The following UGT2B28 variants were observed in gnomAD, a reference collection of about 807,000 sequenced individuals.
The protein encoded by UGT2B28 is UDP glucuronosyltransferase family 2 member B28.
In UGT2B28, 45 loss-of-function variants were observed where a neutral mutation model predicts 43.6. The observed-to-expected ratio is 1.03, with a 90% CI of 0.81 to 1.32. The LOEUF is 1.32. Among genes scored for constraint, UGT2B28 ranks in the 40% most tolerant of loss-of-function variants. UGT2B28 has a pLI of 0.00. For missense variants in UGT2B28, 649 were observed against 625.5 expected (o/e 1.04, Z -0.40); for synonymous variants, 204 against 208.1 (o/e 0.98, Z 0.17).
chr4:69,293,630 G>A lies in UGT2B28; in HGVS notation c.1311-900G>A, dbSNP rs1169180048. Among the ~76,000 whole-genome samples the A allele has an allele frequency of 5.7e-5, 8 of 139,386 alleles. 2 individuals are homozygous for A. Among genetic ancestry groups the A allele is most frequent in the African/African-American group, 2.2e-4 (8 of 35,556 alleles). 91.4% of individuals were successfully genotyped at this position (139,386 alleles called of 152,430 possible). A position where few individuals can be genotyped will look rare whatever the true frequency, so the allele number is the denominator to read the frequency against. ...GTTGCAGCAAGAAAGAGTACTCCAA[G>A]AGCAGGAGAGAAGGAACAAAATGTG... On this transcript the variant is annotated intron_variant, in intron 5 of 5. Coordinates refer to ENST00000335568, the MANE Select transcript of UGT2B28 (RefSeq NM_053039.2).
At chr4:69,289,955 A>G (rs1723900888) in intron 4 of UGT2B28, among the ~76,000 whole-genome samples, 1 of 140,810 alleles carries the variant, frequency 7.1e-6, no homozygotes, top group South Asian at 2.4e-4. Flanking sequence ...TTATGGTCAG[A>G]ATCAGAGATA....
chr4:69,288,122 T>C lies in UGT2B28; in HGVS notation c.1002+1239T>C, dbSNP rs577972271. Among the ~76,000 whole-genome samples the C allele has an allele frequency of 7.1e-5, 9 of 126,834 alleles. 2 individuals are homozygous for C. The highest frequency in any genetic ancestry group is 9.7e-5 in the Non-Finnish European group (6 of 61,722). The allele number at this position is 126,834 out of a possible 152,430, so 83.2% of individuals were successfully genotyped here. A position where few individuals can be genotyped will look rare whatever the true frequency, so the allele number is the denominator to read the frequency against. ...TATTCAACAGCTTTATTTTTATTCA[T>C]GATTCCAACAGGCTCCTCATTTCTA... On this transcript the variant is annotated intron_variant, in intron 3 of 5. Transcript: ENST00000335568.
chr4:69,285,489 C>T (rs1449171211), intron 2 of UGT2B28, among the ~76,000 whole-genome samples: 1 of 139,012 alleles, frequency 7.2e-6, no homozygotes, highest in African/African-American at 2.8e-5. Flanking sequence ...AAACGAGTCA[C>T]ATTAAATGTG....
At chr4:69,287,155 G>C (rs1273470870) in intron 3 of UGT2B28, among the ~76,000 whole-genome samples, 1 of 139,678 alleles carries the variant, frequency 7.2e-6, no homozygotes, top group Non-Finnish European at 1.5e-5. Context: ...TCCACAAAAG[G>C]GAACTTGAGA....
intron 2 of UGT2B28, among the ~76,000 whole-genome samples, chr4:69,282,908 T>C (rs1213023926): frequency 7.1e-6 from 1 of 139,946 alleles, no homozygotes; most frequent in Non-Finnish European, 1.5e-5. Context: ...AAAGTCTTGA[T>C]TATGCAACAC....
At chr4:69,281,781 A>G (rs1362810944) in intron 1 of UGT2B28, among the ~76,000 whole-genome samples, 3 of 140,490 alleles carry the variant, frequency 2.1e-5, no homozygotes, top group Non-Finnish European at 3.0e-5. Context: ...CTCCTTCACT[A>G]AAGAATTGGA....
chr4:69,286,971 A>T lies in UGT2B28; in HGVS notation c.1002+88A>T. The T allele has an allele frequency of 1.3e-5, 19 of 1,504,602 alleles. 4 individuals are homozygous for T. Among genetic ancestry groups the T allele is most frequent in the Non-Finnish European group, 1.7e-5 (19 of 1,130,236 alleles). 93.2% of individuals were successfully genotyped at this position (1,504,602 alleles called of 1,614,324 possible). ...TACACAGAAAGAATATTAAGGCTAG[A>T]CTGAACTCTTTACAGCCAAATACAG... On this transcript the variant is annotated intron_variant, in intron 3 of 5. Coordinates refer to ENST00000335568, the MANE Select transcript of UGT2B28 (RefSeq NM_053039.2).
Position 69,286,559 on chromosome 4 carries a change from A to G in UGT2B28, c.871-193A>G, listed in dbSNP as rs1258406922. 1.4e-5 allele frequency among the ~76,000 whole-genome samples: 2 copies of G among 140,288 alleles called. 1 individual carries two copies. Among genetic ancestry groups the G allele is most frequent in the Non-Finnish European group, 3.0e-5 (2 of 65,754 alleles). 92.0% of individuals were successfully genotyped at this position (140,288 alleles called of 152,430 possible). A position where few individuals can be genotyped will look rare whatever the true frequency, so the allele number is the denominator to read the frequency against. ...CATAAACACACATATTTACACAAAT[A>G]TCCTTAACAGAGGCCAACTACCTCA... On this transcript the variant is annotated intron_variant, in intron 2 of 5. Transcript: ENST00000335568.
In UGT2B28 at chr4:69,293,621, G is replaced by A. The variant is rs186000630; in HGVS notation, c.1311-909G>A. On this transcript the variant is annotated intron_variant, in intron 5 of 5. Coordinates refer to ENST00000335568, the MANE Select transcript of UGT2B28 (RefSeq NM_053039.2). ...ATGCCTTGGGTTGCAGCAAGAAAGA[G>A]TACTCCAAGAGCAGGAGAGAAGGAA... Among the ~76,000 whole-genome samples the A allele has an allele frequency of 5.0e-3, 703 of 139,564 alleles. 157 individuals are homozygous for A. The highest frequency in any genetic ancestry group is 0.018 in the African/African-American group (634 of 35,666). 91.6% of individuals were successfully genotyped at this position (139,564 alleles called of 152,430 possible).
rs571742008 is a variant in UGT2B28 at position 69,291,534 on chromosome 4, T to C, written c.1310+723T>C. On this transcript the variant is annotated intron_variant, in intron 5 of 5. Transcript: ENST00000335568. Reference sequence around the variant, plus strand: ...TAGCCTAATTTTTGTTCTTTTCTTATGGTTTTTGTTTTACTTCATATTGTT... The same window carrying C: ...TAGCCTAATTTTTGTTCTTTTCTTACGGTTTTTGTTTTACTTCATATTGTT... Among the ~76,000 whole-genome samples, 11 of 140,910 alleles carry C rather than the reference T, an allele frequency of 7.8e-5. 3 individuals carry two copies. The highest frequency in any genetic ancestry group is 1.2e-4 in the Non-Finnish European group (8 of 65,808). The allele number at this position is 140,910 out of a possible 152,430, so 92.4% of individuals were successfully genotyped here. A position where few individuals can be genotyped will look rare whatever the true frequency, so the allele number is the denominator to read the frequency against.
intron 5 of UGT2B28, among the ~76,000 whole-genome samples, chr4:69,292,678 T>C (rs1181296379): frequency 7.1e-6 from 1 of 140,080 alleles, no homozygotes; most frequent in African/African-American, 2.8e-5. Context: ...TATATCAACT[T>C]GAAGACACAT....
intron 3 of UGT2B28, 121 bp downstream of exon 3, chr4:69,287,004 T>C: frequency 2.1e-6 from 3 of 1,431,638 alleles, no homozygotes; most frequent in Non-Finnish European, 2.8e-6. Context: ...CAGTCTTAAA[T>C]ATCTTGTGTA....
In UGT2B28 at chr4:69,285,231, A is replaced by G. The variant is rs950718242; in HGVS notation, c.871-1521A>G. ...CTATATAAATAGGACAAAATCCATA[A>G]TAAAAAAATACATATTTTCTATAAA... On this transcript the variant is annotated intron_variant, in intron 2 of 5. Transcript: ENST00000335568. Among the ~76,000 whole-genome samples, 2 of 140,482 alleles carry G rather than the reference A, an allele frequency of 1.4e-5. 1 individual carries two copies. Among genetic ancestry groups the G allele is most frequent in the Non-Finnish European group, 3.0e-5 (2 of 65,778 alleles). The allele number at this position is 140,482 out of a possible 152,430, so 92.2% of individuals were successfully genotyped here. A position where few individuals can be genotyped will look rare whatever the true frequency, so the allele number is the denominator to read the frequency against.
chr4:69,280,781 T>G lies in UGT2B28; in HGVS notation c.281T>G (p.Val94Gly). 1 of 1,569,028 alleles carries G rather than the reference T, an allele frequency of 6.4e-7. No individual in the cohort carries two copies. Among genetic ancestry groups the G allele is most frequent in the Non-Finnish European group, 8.6e-7 (1 of 1,160,122 alleles). Residue 94 changes from valine to glycine, a missense_variant, in exon 1 of 6, where the codon GTT becomes GGT. Coordinates refer to ENST00000335568, the MANE Select transcript of UGT2B28 (RefSeq NM_053039.2). Reference protein sequence around the residue: ...TEFENIIMQQVKRWSDIQKDS... With the variant: ...TEFENIIMQQGKRWSDIQKDS... ...TTTGAGAATATCATCATGCAACAGGTTAAGAGATGGTCAGACATTCAAAAA... is the reference window on the plus strand; with the variant it reads ...TTTGAGAATATCATCATGCAACAGGGTAAGAGATGGTCAGACATTCAAAAA...
rs369845280 is a variant in UGT2B28 at position 69,281,211 on chromosome 4, T to C, written c.711T>C (p.Ser237=). The change falls in exon 1 of 6, where the codon AGT becomes AGC. Residue 237 remains serine (S), a synonymous_variant. Transcript: ENST00000335568. ...TGAAGAAGTGGGATCAGTTTTACAGTGAAGTTTTAGGTAAGAATTTGTTTA... is the reference window on the plus strand; with the variant it reads ...TGAAGAAGTGGGATCAGTTTTACAGCGAAGTTTTAGGTAAGAATTTGTTTA... ...CDMKKWDQFY[S]EVLGRPTTLF... 36 of 1,507,402 alleles carry C rather than the reference T, an allele frequency of 2.4e-5. 4 individuals carry two copies. Among genetic ancestry groups the C allele is most frequent in the Non-Finnish European group, 2.9e-5 (33 of 1,133,622 alleles). The allele number at this position is 1,507,402 out of a possible 1,614,324, so 93.4% of individuals were successfully genotyped here.
intron 3 of UGT2B28, among the ~76,000 whole-genome samples, chr4:69,287,678 C>T (rs1723818511): frequency 7.2e-6 from 1 of 139,426 alleles, no homozygotes; most frequent in African/African-American, 2.8e-5. Flanking sequence ...CCAGTGGAGG[C>T]AGCAGTAGGA....
intron 2 of UGT2B28, among the ~76,000 whole-genome samples, chr4:69,284,801 T>C (rs1723720995): frequency 7.1e-6 from 1 of 140,736 alleles, no homozygotes; most frequent in African/African-American, 2.8e-5. Flanking sequence ...TTCTTTTCAA[T>C]TATATATTAC....
At position 69,290,093 on chromosome 4, in the gene UGT2B28, G is replaced by C. The variant is rs1440111555; in HGVS notation, c.1090+341G>C. On this transcript the variant is annotated intron_variant, in intron 4 of 5. Coordinates refer to ENST00000335568, the MANE Select transcript of UGT2B28 (RefSeq NM_053039.2). ...TCCTGCAGGTTTATTTCAAATGCCA[G>C]TAAATATAATAGCTCTTCTATCACC... 4.3e-5 allele frequency among the ~76,000 whole-genome samples: 6 copies of C among 139,850 alleles called. 2 individuals carry two copies. The highest frequency in any genetic ancestry group is 9.1e-5 in the Non-Finnish European group (6 of 65,678). The allele number at this position is 139,850 out of a possible 152,430, so 91.7% of individuals were successfully genotyped here. A position where few individuals can be genotyped will look rare whatever the true frequency, so the allele number is the denominator to read the frequency against.
rs1254323733 is a variant in UGT2B28 at position 69,292,216 on chromosome 4, G to T, written c.1310+1405G>T. 1.4e-5 allele frequency among the ~76,000 whole-genome samples: 2 copies of T among 140,116 alleles called. 1 individual carries two copies. The highest frequency in any genetic ancestry group is 5.6e-5 in the African/African-American group (2 of 35,868). The allele number at this position is 140,116 out of a possible 152,430, so 91.9% of individuals were successfully genotyped here. ...ACAAAAAATATAATTTTAAGTTAAA[G>T]TTTTAATAATTGATTTTGTTCACAC... is the stretch of plus-strand genomic sequence containing the variant. On this transcript the variant is annotated intron_variant, in intron 5 of 5. Transcript: ENST00000335568.
Sources: allele counts gnomAD v4.1 joint callset (sites outside exome capture counted in the v4.1 genomes callset), GRCh38; gene constraint gnomAD v4.1.1; transcripts MANE v1.5; gene names NCBI Gene and HGNC (gene_info 2026-07-23, HGNC 2026-07-21).